CUL1: variants seen among roughly 807,000 people sequenced by gnomAD.
The protein encoded by CUL1 is cullin-1.
In CUL1, 24 loss-of-function variants were observed where a neutral mutation model predicts 118.0. The observed-to-expected ratio is 0.20, with a 90% CI of 0.15 to 0.29. The LOEUF (loss-of-function observed/expected upper bound fraction) is 0.29. CUL1 is among the 10% of genes least tolerant of loss of function. CUL1 has a pLI of 1.00. For synonymous variants in CUL1, 332 were observed against 340.4 expected, an observed-to-expected ratio of 0.98 and a Z score of 0.27; for missense variants, 361 against 933.8, an observed-to-expected ratio of 0.39 and a Z score of 7.99.
At chr7:148,789,898 A>G in intron 15 of CUL1, 72 bp downstream of exon 15, 1 of 1,390,658 alleles carries the variant, frequency 7.2e-7, no homozygotes, top group Non-Finnish European at 1.0e-6. Context: ...TCACTGTGGA[A>G]GGGGACAGGC....
intron 9 of CUL1, among the ~76,000 whole-genome samples, chr7:148,779,880 C>A (rs1800557228): frequency 6.6e-6 from 1 of 152,134 alleles, no homozygotes; most frequent in Non-Finnish European, 1.5e-5. Flanking sequence ...CTGGTGGGCA[C>A]AATCTAATCA....
intron 1 of CUL1, among the ~76,000 whole-genome samples, chr7:148,727,164 C>G (rs1008609981): frequency 2.0e-5 from 3 of 152,208 alleles, no homozygotes; most frequent in Non-Finnish European, 4.4e-5. Context: ...TAAGTAGTCA[C>G]TAAAATCCTG....
At chr7:148,702,586 A>G (rs1389673774) in intron 1 of CUL1, among the ~76,000 whole-genome samples, 1 of 152,224 alleles carries the variant, frequency 6.6e-6, no homozygotes, top group Non-Finnish European at 1.5e-5. Context: ...TTCCCTTGGG[A>G]AACTTGGACC....
At chr7:148,744,167 C>G (rs1049754047) in intron 2 of CUL1, among the ~76,000 whole-genome samples, 1 of 152,118 alleles carries the variant, frequency 6.6e-6, no homozygotes, top group Non-Finnish European at 1.5e-5. Context: ...TCCCTCATGT[C>G]AACATATAGA....
Position 148,780,691 on chromosome 7 carries a change from T to C in CUL1, c.1084-3092T>C, listed in dbSNP as rs530232004. On this transcript the variant is annotated intron_variant, in intron 9 of 21. Coordinates refer to ENST00000325222, the MANE Select transcript of CUL1 (RefSeq NM_003592.3). Reference sequence around the variant, plus strand: ...CTAGGTATAACAACAACTGAAATCATATAGGAGTTGAATGAGCCCTTAGGG... The same window carrying C: ...CTAGGTATAACAACAACTGAAATCACATAGGAGTTGAATGAGCCCTTAGGG... 2.0e-5 allele frequency among the ~76,000 whole-genome samples: 3 copies of C among 152,328 alleles called. No individual in the cohort carries two copies. The South Asian group carries it at 6.2e-4, about 32-fold the overall frequency.
At chr7:148,702,746 G>A (rs1387831845) in intron 1 of CUL1, among the ~76,000 whole-genome samples, 1 of 152,182 alleles carries the variant, frequency 6.6e-6, no homozygotes, top group Non-Finnish European at 1.5e-5. Flanking sequence ...CCTGGTCTGG[G>A]TTAGGAGCCT....
chr7:148,741,818 C>G (rs762603001), intron 2 of CUL1, among the ~76,000 whole-genome samples: 4 of 152,250 alleles, frequency 2.6e-5, no homozygotes, highest in Non-Finnish European at 5.9e-5. Context: ...AAGTGATTCT[C>G]CTGCCTCAGC....
intron 9 of CUL1, among the ~76,000 whole-genome samples, chr7:148,778,573 A>G (rs558137517): frequency 9.9e-5 from 15 of 152,180 alleles, no homozygotes; most frequent in Non-Finnish European, 1.9e-4. Flanking sequence ...CAACTGCACG[A>G]TATGTTTTTG....
rs764756166 is a variant in CUL1, at chr7:148,792,825, T to C, written c.1899+7T>C. On this transcript the variant is annotated splice_region_variant and intron_variant, in intron 17 of 21. Transcript: ENST00000325222. ...CAGCACTCAAATTAAAATGGTATTC[T>C]CATCTCAGGCTCGTTGTTCTATCAG... 7 of 1,600,884 alleles carry C rather than the reference T, an allele frequency of 4.4e-6. No individual in the cohort carries two copies. In the African/African-American group the frequency reaches 8.0e-5, roughly 18 times the overall value.
At chr7:148,703,069 A>G (rs973557606) in intron 1 of CUL1, among the ~76,000 whole-genome samples, 1 of 152,250 alleles carries the variant, frequency 6.6e-6, no homozygotes, top group African/African-American at 2.4e-5. Flanking sequence ...TAAACGGGAC[A>G]GGATAACTCC....
chr7:148,788,413 TA>T (rs1436991776), intron 13 of CUL1, 143 bp from the exon 14 acceptor site: 6 of 607,312 alleles, frequency 9.9e-6, no homozygotes, highest in African/African-American at 1.9e-5. Context: ...ATTTGTACTG[TA>T]AAATATAGCA....
chr7:148,761,775 C>T (rs982218339), intron 7 of CUL1, among the ~76,000 whole-genome samples: 2 of 152,202 alleles, frequency 1.3e-5, no homozygotes, highest in African/African-American at 2.4e-5. Context: ...GGCCTACAGG[C>T]TACAGTTTGC....
At chr7:148,709,113 A>G (rs1214520346) in intron 1 of CUL1, among the ~76,000 whole-genome samples, 1 of 152,224 alleles carries the variant, frequency 6.6e-6, no homozygotes, top group Non-Finnish European at 1.5e-5. Flanking sequence ...AAGTGATTCT[A>G]AAAAGCATTC....
At chr7:148,784,204 C>A in intron 11 of CUL1, 127 bp downstream of exon 11, 1 of 749,958 alleles carries the variant, frequency 1.3e-6, no homozygotes, top group Non-Finnish European at 2.2e-6. Flanking sequence ...GAGAAAAATG[C>A]TTAAACATAA....
At chr7:148,753,910 AAT>A (rs974979616) in intron 2 of CUL1, 64 bp from the exon 3 acceptor site, 3 of 1,246,004 alleles carry the variant, frequency 2.4e-6, no homozygotes, top group African/African-American at 1.5e-5. Context: ...AATATAAGAA[AAT>A]ATGTTTATGT....
At chr7:148,751,697 C>T (rs866197019) in intron 2 of CUL1, among the ~76,000 whole-genome samples, 1 of 152,032 alleles carries the variant, frequency 6.6e-6, no homozygotes, top group South Asian at 2.1e-4. Context: ...AGGTCCACCA[C>T]CAAGAGAGTT....
chr7:148,772,784 T>C (rs1385588895), intron 9 of CUL1, among the ~76,000 whole-genome samples: 1 of 152,116 alleles, frequency 6.6e-6, no homozygotes, highest in Non-Finnish European at 1.5e-5. Flanking sequence ...CCCTCATGCC[T>C]TGTTCATCAT....
intron 7 of CUL1, among the ~76,000 whole-genome samples, chr7:148,762,945 G>A (rs374702255): frequency 2.4e-4 from 37 of 152,292 alleles, no homozygotes; most frequent in African/African-American, 8.2e-4. Flanking sequence ...TCGGGAGTTC[G>A]AGACCAGCCT....
chr7:148,744,196 C>A (rs1799234502), intron 2 of CUL1, among the ~76,000 whole-genome samples: 1 of 152,074 alleles, frequency 6.6e-6, no homozygotes, highest in South Asian at 2.1e-4. Context: ...GCTGCTTTGC[C>A]CCTTCTGACC....
Sources: gnomAD v4.1 joint callset for allele counts (sites outside exome capture counted in the v4.1 genomes callset) on GRCh38, gnomAD v4.1.1 for gene constraint, MANE v1.5 for transcripts, NCBI Gene and HGNC (gene_info 2026-07-23, HGNC 2026-07-21) for gene names.